The following PTDSS2 variants were observed in gnomAD, a reference collection of about 807,000 sequenced individuals.
PTDSS2 encodes the protein PSS-2.
In PTDSS2, 41 loss-of-function variants were observed where a neutral mutation model predicts 64.7. The ratio of observed to expected loss-of-function variants is 0.63; its 90% CI spans 0.49 to 0.82. PTDSS2 has a LOEUF of 0.82. Among genes scored for constraint, PTDSS2 ranks in the 40% least tolerant of loss-of-function variants. The pLI is 0.00. For missense variants in PTDSS2, 485 were observed against 650.0 expected (o/e 0.75, Z 2.76); for synonymous variants, 297 against 277.8 (o/e 1.07, Z -0.69).
At chr11:487,916 C>T (rs1441723467) in intron 6 of PTDSS2, among the ~76,000 whole-genome samples, 5 of 152,220 alleles carry the variant, frequency 3.3e-5, no homozygotes, top group African/African-American at 7.2e-5. Context: ...ACCCACCCCA[C>T]GCTCACCCTG....
In PTDSS2 at chr11:476,201, G is replaced by T. The variant is rs1243090856; in HGVS notation, c.367+2224G>T. Reference sequence around the variant, plus strand: ...TGACAGCTGTGTGGGAAGGGCCCAGGGCCCTGTCTGCCCAGCCGGCTGAGC... The same window carrying T: ...TGACAGCTGTGTGGGAAGGGCCCAGTGCCCTGTCTGCCCAGCCGGCTGAGC... On this transcript the variant is annotated intron_variant, in intron 3 of 11. Coordinates refer to ENST00000308020, the MANE Select transcript of PTDSS2 (RefSeq NM_030783.3). This position sits in a 1 kb window ranked among gnomAD's most constrained non-coding sequence, Gnocchi z 4.9. Among the ~76,000 whole-genome samples the T allele has an allele frequency of 6.6e-6, 1 of 152,222 alleles. No homozygotes were observed. The highest frequency in any genetic ancestry group is 2.4e-5 in the African/African-American group (1 of 41,462).
At position 486,397 on chromosome 11, in the gene PTDSS2, A is replaced by G. The variant is rs550298834; in HGVS notation, c.436-542A>G. 1.3e-3 allele frequency among the ~76,000 whole-genome samples: 191 copies of G among 152,246 alleles called. 1 individual carries two copies. The highest frequency in any genetic ancestry group is 4.4e-3 in the African/African-American group (184 of 41,570). The stretch of plus-strand genomic sequence containing the variant: ...CATGTCCTGAAGCGCACCTGTGCCC[A>G]CCTGGCCCCGGGGAGCGCAGGTGTG... On this transcript the variant is annotated intron_variant, in intron 4 of 11. Transcript: ENST00000308020.
At chr11:478,308 A>G (rs1271395275) in intron 3 of PTDSS2, among the ~76,000 whole-genome samples, 1 of 151,990 alleles carries the variant, frequency 6.6e-6, no homozygotes, top group Non-Finnish European at 1.5e-5. Flanking sequence ...AAAATACAAA[A>G]ATTAGCTGGA....
Position 470,894 on chromosome 11 carries a change from G to A in PTDSS2, c.285-3001G>A, listed in dbSNP as rs901291306. 4.6e-5 allele frequency among the ~76,000 whole-genome samples: 7 copies of A among 152,016 alleles called. No homozygotes were observed. Among genetic ancestry groups the A allele is most frequent in the African/African-American group, 1.4e-4 (6 of 41,470 alleles). On this transcript the variant is annotated intron_variant, in intron 2 of 11. Coordinates refer to ENST00000308020, the MANE Select transcript of PTDSS2 (RefSeq NM_030783.3). The surrounding 1 kb of genome is among the most constrained non-coding windows in gnomAD (Gnocchi z 5.3). ...TGAGCCACCGCACCCAGCCAGCACC[G>A]GCTTATTAATGGTGAGATGTTAATG...
chr11:485,259 C>CCG (rs1848287724), intron 4 of PTDSS2, among the ~76,000 whole-genome samples: 1 of 130,426 alleles, frequency 7.7e-6, no homozygotes. Flanking sequence ...TGTGTGCTCA[C>CCG]TGCGCAGGCG....
intron 2 of PTDSS2, among the ~76,000 whole-genome samples, chr11:467,640 C>T (rs1433373763): frequency 6.6e-6 from 1 of 151,662 alleles, no homozygotes; most frequent in East Asian, 2.0e-4. Context: ...ACCTATAATC[C>T]CAGCTACTCG....
At chr11:450,906 C>T (rs1321037826) in intron 1 of PTDSS2, among the ~76,000 whole-genome samples, 1 of 151,994 alleles carries the variant, frequency 6.6e-6, no homozygotes, top group Admixed American at 6.5e-5. Flanking sequence ...TCTCTCTCGC[C>T]GCCCTCCCCA....
chr11:455,650 C>A lies in PTDSS2; in HGVS notation c.183-4537C>A, dbSNP rs1020037969. On this transcript the variant is annotated intron_variant, in intron 1 of 11. Transcript: ENST00000308020. Reference sequence around the variant, plus strand: ...AACTGCTGGGGATGGAGGCTGAGCCCGAGAGTGCTTGCTCCTCGCGCTCCC... The same window carrying A: ...AACTGCTGGGGATGGAGGCTGAGCCAGAGAGTGCTTGCTCCTCGCGCTCCC... Among the ~76,000 whole-genome samples, 4 of 152,332 alleles carry A rather than the reference C, an allele frequency of 2.6e-5. No homozygotes were observed. The South Asian group carries it at 8.3e-4, about 32-fold the overall frequency.
Position 470,906 on chromosome 11 carries a change from G to A in PTDSS2, c.285-2989G>A, listed in dbSNP as rs1025672830. On this transcript the variant is annotated intron_variant, in intron 2 of 11. Transcript: ENST00000308020. The surrounding 1 kb of genome is among the most constrained non-coding windows in gnomAD (Gnocchi z 5.3). ...CCCAGCCAGCACCGGCTTATTAATG[G>A]TGAGATGTTAATGGGAAAACTGGGC... 4.3e-4 allele frequency among the ~76,000 whole-genome samples: 65 copies of A among 152,110 alleles called. No individual in the cohort carries two copies. The highest frequency in any genetic ancestry group is 1.5e-3 in the African/African-American group (63 of 41,524).
chr11:477,936 C>A (rs1847886513), intron 3 of PTDSS2, among the ~76,000 whole-genome samples: 1 of 152,248 alleles, frequency 6.6e-6, no homozygotes, highest in Non-Finnish European at 1.5e-5. Flanking sequence ...CCTAAGAACG[C>A]CAGGGCGTTT....
chr11:486,082 G>T (rs555814944), intron 4 of PTDSS2, among the ~76,000 whole-genome samples: 102 of 152,316 alleles, frequency 6.7e-4, no homozygotes, highest in African/African-American at 2.3e-3. Context: ...GTGCGCAGGC[G>T]AGTGTAAACA....
chr11:479,228 C>T lies in PTDSS2; in HGVS notation c.435+76C>T. On this transcript the variant is annotated intron_variant, in intron 4 of 11. Transcript: ENST00000308020. The surrounding 1 kb of genome is among the most constrained non-coding windows in gnomAD (Gnocchi z 4.2). ...CCCCAGGCATGGTGACAAAGGAGGC[C>T]TTGCCCACACAGCCCTCGAGTGATG... The T allele has an allele frequency of 2.4e-6, 3 of 1,224,860 alleles. No homozygotes were observed. Among genetic ancestry groups the T allele is most frequent in the Non-Finnish European group, 3.6e-6 (3 of 825,174 alleles). 75.9% of individuals were successfully genotyped at this position (1,224,860 alleles called of 1,614,324 possible). A position where few individuals can be genotyped will look rare whatever the true frequency, so the allele number is the denominator to read the frequency against.
At chr11:459,932 G>T in intron 1 of PTDSS2, 1 of 503,528 alleles carries the variant, frequency 2.0e-6, no homozygotes, top group Non-Finnish European at 3.6e-6. Context: ...CTGAGCAGCG[G>T]CCTTCAGCTT....
At chr11:469,379 G>A (rs151257100) in intron 2 of PTDSS2, among the ~76,000 whole-genome samples, 4 of 86,386 alleles carry the variant, frequency 4.6e-5, no homozygotes, top group East Asian at 6.5e-4. Context: ...CTGGGTAATC[G>A]GAGGGAGGAG....
Position 470,076 on chromosome 11 carries a change from C to G in PTDSS2, c.285-3819C>G, listed in dbSNP as rs1488455412. On this transcript the variant is annotated intron_variant, in intron 2 of 11. Transcript: ENST00000308020. This position sits in a 1 kb window ranked among gnomAD's most constrained non-coding sequence, Gnocchi z 5.3. ...TTTCAGTAAATGAGGTAGATCCCCC[C>G]ATTCCAGGAGCTGGCGTGAGCTCCC... Among the ~76,000 whole-genome samples the G allele has an allele frequency of 6.6e-6, 1 of 152,216 alleles. No homozygotes were observed. The highest frequency in any genetic ancestry group is 1.5e-5 in the Non-Finnish European group (1 of 68,036).
In PTDSS2 at chr11:461,388, C is replaced by T. The variant is rs1162772491; in HGVS notation, c.284+1100C>T. On this transcript the variant is annotated intron_variant, in intron 2 of 11. Transcript: ENST00000308020. This position sits in a 1 kb window ranked among gnomAD's most constrained non-coding sequence, Gnocchi z 4.2. ...GGAGCGGATGCTTTAGAATCACGCA[C>T]AGCAGACCTCATAACTGAGTCCATC... Among the ~76,000 whole-genome samples, 2 of 152,126 alleles carry T rather than the reference C, an allele frequency of 1.3e-5. No individual in the cohort carries two copies. Among genetic ancestry groups the T allele is most frequent in the Non-Finnish European group, 2.9e-5 (2 of 68,034 alleles).
intron 4 of PTDSS2, 118 bp from the exon 5 acceptor site, chr11:486,821 C>G (rs1454757991): frequency 7.4e-7 from 1 of 1,354,004 alleles, no homozygotes; most frequent in Non-Finnish European, 9.8e-7. Flanking sequence ...GCATTCCAGC[C>G]TGGGCGACAG....
At chr11:465,342 C>T (rs1474347475) in intron 2 of PTDSS2, among the ~76,000 whole-genome samples, 1 of 152,194 alleles carries the variant, frequency 6.6e-6, no homozygotes, top group Non-Finnish European at 1.5e-5. Flanking sequence ...CGGTGTGCAC[C>T]ACCACACCCA....
At chr11:486,299 C>T (rs1339401099) in intron 4 of PTDSS2, among the ~76,000 whole-genome samples, 6 of 141,676 alleles carry the variant, frequency 4.2e-5, no homozygotes, top group Admixed American at 7.0e-5. Context: ...GGGGAGGGGT[C>T]GGGGTGGGGG....
Sources: gnomAD v4.1 joint callset for allele counts (sites outside exome capture counted in the v4.1 genomes callset) on GRCh38, gnomAD v4.1.1 for gene constraint, Gnocchi (gnomAD v3.1) non-coding constraint, MANE v1.5 for transcripts, NCBI Gene and HGNC (gene_info 2026-07-23, HGNC 2026-07-21) for gene names.